Variants in PCDH15 observed in about 807,000 individuals in gnomAD.
The protein encoded by PCDH15 is protocadherin related 15, also known as protocadherin-15.
A neutral mutation model predicts 178.5 loss-of-function variants in PCDH15; 129 were observed. The ratio of observed to expected loss-of-function variants is 0.72; its 90% CI spans 0.63 to 0.84. The LOEUF (loss-of-function observed/expected upper bound fraction) is 0.84. Among genes scored for constraint, PCDH15 ranks in the 40% least tolerant of loss-of-function variants. The pLI is 0.00. For synonymous variants in PCDH15, 800 were observed against 732.0 expected, an observed-to-expected ratio of 1.09 and a Z score of -1.50; for missense variants, 2,230 against 2,099.9, an observed-to-expected ratio of 1.06 and a Z score of -1.21.
Position 53,855,904 on chromosome 10 carries a change from G to GTATATATATATATATATATATATA in PCDH15, c.3806+1270_3806+1271insTATATATATATATATATATATATA, listed in dbSNP as rs56290679. ...TAAAAGTTAAAAAAAAAGGTGATAT[G>GTATATATATATATATATATATATA]TATATATATATATATATGTATGTGT... On this transcript the variant is annotated intron_variant, in intron 28 of 37. Transcript: ENST00000644397. Among the ~76,000 whole-genome samples, 276 of 109,550 alleles carry GTATATATATATATATATATATATA rather than the reference G, an allele frequency of 2.5e-3. 17 individuals carry two copies. Among genetic ancestry groups the GTATATATATATATATATATATATA allele is most frequent in the East Asian group, 0.01 (10 of 994 alleles). The allele number at this position is 109,550 out of a possible 152,430, so 71.9% of individuals were successfully genotyped here. A position where few individuals can be genotyped will look rare whatever the true frequency, so the allele number is the denominator to read the frequency against.
chr10:54,127,391 C>G (rs144995763), intron 15 of PCDH15, among the ~76,000 whole-genome samples: 2 of 152,296 alleles, frequency 1.3e-5, no homozygotes, highest in Non-Finnish European at 2.9e-5. Flanking sequence ...AGTGATTGTT[C>G]TTTTCAATCA....
At chr10:55,070,899 C>T (rs1841722787) in intron 2 of PCDH15, among the ~76,000 whole-genome samples, 1 of 152,104 alleles carries the variant, frequency 6.6e-6, no homozygotes, top group African/African-American at 2.4e-5. Flanking sequence ...TTGATTCTTC[C>T]TTCCCATGAG....
intron 8 of PCDH15, among the ~76,000 whole-genome samples, chr10:54,241,277 T>A (rs2055262668): frequency 6.6e-6 from 1 of 152,190 alleles, no homozygotes; most frequent in Non-Finnish European, 1.5e-5. Flanking sequence ...TCTCCTAGTT[T>A]TTGACTTTAC....
At chr10:54,075,533 G>A (rs1266836289) in intron 17 of PCDH15, among the ~76,000 whole-genome samples, 2 of 151,588 alleles carry the variant, frequency 1.3e-5, no homozygotes, top group African/African-American at 2.4e-5. Context: ...ATTTTTTGTT[G>A]TTGTTGTCTG....
At chr10:54,968,408 G>T (rs906429455) in intron 2 of PCDH15, among the ~76,000 whole-genome samples, 9 of 150,922 alleles carry the variant, frequency 6.0e-5, no homozygotes, top group African/African-American at 1.7e-4. Context: ...ATTTTTGAAA[G>T]ATATTTTTAC....
At chr10:55,519,356 G>T (rs980644620) in intron 2 of PCDH15, among the ~76,000 whole-genome samples, 1 of 150,020 alleles carries the variant, frequency 6.7e-6, no homozygotes, top group African/African-American at 2.5e-5. Context: ...GAAAAGACAA[G>T]ATTACAGAAA....
At chr10:54,259,838 TAA>T (rs2057183524) in intron 8 of PCDH15, among the ~76,000 whole-genome samples, 1 of 152,154 alleles carries the variant, frequency 6.6e-6, no homozygotes, top group South Asian at 2.1e-4. Flanking sequence ...ATGAATATAC[TAA>T]GACTTAGTCC....
intron 2 of PCDH15, among the ~76,000 whole-genome samples, chr10:55,502,064 C>A (rs1840669398): frequency 6.6e-6 from 1 of 151,498 alleles, no homozygotes; most frequent in African/African-American, 2.4e-5. Context: ...AATAAAAATT[C>A]ATTCACATGT....
chr10:55,429,258 T>C (rs1167188061), intron 2 of PCDH15, among the ~76,000 whole-genome samples: 1 of 152,146 alleles, frequency 6.6e-6, no homozygotes, highest in Admixed American at 6.5e-5. Flanking sequence ...TCTTATAAGA[T>C]GGATTTGCTG....
intron 2 of PCDH15, among the ~76,000 whole-genome samples, chr10:55,128,428 T>G (rs1364385811): frequency 2.0e-5 from 3 of 152,032 alleles, no homozygotes; most frequent in African/African-American, 7.2e-5. Flanking sequence ...TATATGTACT[T>G]AATTCTTAGG....
At chr10:55,334,830 C>CT (rs1844336399) in intron 2 of PCDH15, among the ~76,000 whole-genome samples, 1 of 151,936 alleles carries the variant, frequency 6.6e-6, no homozygotes, top group African/African-American at 2.4e-5. Flanking sequence ...AAATAATTAC[C>CT]TCCTTGGTGC....
intron 18 of PCDH15, among the ~76,000 whole-genome samples, chr10:54,030,000 G>T (rs2093245032): frequency 6.6e-6 from 1 of 152,092 alleles, no homozygotes; most frequent in South Asian, 2.1e-4. Context: ...AATTTACAAT[G>T]ATTCATTTCC....
intron 26 of PCDH15, among the ~76,000 whole-genome samples, chr10:53,888,338 A>ATG (rs1304861451): frequency 1.4e-3 from 102 of 72,398 alleles, no homozygotes; most frequent in Non-Finnish European, 1.8e-3. Flanking sequence ...ATATGTACGT[A>ATG]TATATATATA....
At chr10:55,596,740 A>G (rs1310547495) in intron 2 of PCDH15, among the ~76,000 whole-genome samples, 1 of 152,192 alleles carries the variant, frequency 6.6e-6, no homozygotes, top group East Asian at 1.9e-4. Flanking sequence ...AAAGAGTAAT[A>G]GTATGACATT....
In PCDH15 at chr10:53,955,504, T is replaced by G. The variant is rs75497845; in HGVS notation, c.3122+4228A>C. On this transcript the variant is annotated intron_variant, in intron 23 of 37. Coordinates refer to ENST00000644397, the MANE Select transcript of PCDH15 (RefSeq NM_001384140.1). Reference sequence around the variant, plus strand: ...ATCTTTAAAATCTCTCTTTTATACCTAATCATTTGTTAAATGCTAATTTTT... The same window carrying G: ...ATCTTTAAAATCTCTCTTTTATACCGAATCATTTGTTAAATGCTAATTTTT... 9.5e-3 allele frequency among the ~76,000 whole-genome samples: 1,443 copies of G among 152,312 alleles called. 67 individuals are homozygous for G. Among genetic ancestry groups the G allele is most frequent in the Admixed American group, 0.072 (1,096 of 15,292 alleles).
At chr10:55,173,336 TG>T (rs1564861189) in intron 1 of PCDH15, among the ~76,000 whole-genome samples, 41 of 150,936 alleles carry the variant, frequency 2.7e-4, no homozygotes, top group Middle Eastern at 6.8e-3. Flanking sequence ...TGTGTGTGTG[TG>T]TGTGTGTGTA....
At chr10:55,158,622 C>A (rs1838964114) in intron 2 of PCDH15, among the ~76,000 whole-genome samples, 1 of 149,536 alleles carries the variant, frequency 6.7e-6, no homozygotes, top group African/African-American at 2.5e-5. Flanking sequence ...AAAATAAAAG[C>A]TTTTAAAGTG....
At chr10:55,402,881 T>C (rs1347158505) in intron 2 of PCDH15, among the ~76,000 whole-genome samples, 1 of 151,996 alleles carries the variant, frequency 6.6e-6, no homozygotes, top group African/African-American at 2.4e-5. Flanking sequence ...TATTTTTAGA[T>C]TTGGGAAAAA....
chr10:54,536,128 T>G (rs1479857451), intron 2 of PCDH15, among the ~76,000 whole-genome samples: 1 of 152,228 alleles, frequency 6.6e-6, no homozygotes, highest in African/African-American at 2.4e-5. Flanking sequence ...ATGTTGTGGT[T>G]AAGAACATAG....
Sources: allele counts gnomAD v4.1 joint callset (sites outside exome capture counted in the v4.1 genomes callset), GRCh38; gene constraint gnomAD v4.1.1; transcripts MANE v1.5; gene names NCBI Gene and HGNC (gene_info 2026-07-23, HGNC 2026-07-21).